LSS: variants seen among roughly 807,000 people sequenced by gnomAD.
The protein encoded by LSS is 2,3-epoxysqualene-lanosterol cyclase.
In LSS, 90 loss-of-function variants were observed where a neutral mutation model predicts 110.3. That is an observed-to-expected ratio of 0.82 (90% confidence interval 0.69 to 0.97). The LOEUF (loss-of-function observed/expected upper bound fraction) is 0.97. LSS is among the 50% of genes least tolerant of loss of function. The pLI, the probability that LSS is intolerant of heterozygous loss-of-function variation, is 0.00. For missense variants in LSS, 927 were observed against 990.0 expected, an observed-to-expected ratio of 0.94 and a Z score of 0.85; for synonymous variants, 433 against 400.0, an observed-to-expected ratio of 1.08 and a Z score of -0.98.
chr21:46,213,776 G>A lies in LSS; in HGVS notation c.1071C>T (p.Ala357=), dbSNP rs1411154516. The A allele has an allele frequency of 1.2e-6, 2 of 1,614,098 alleles. No homozygotes were observed. The highest frequency in any genetic ancestry group is 3.3e-5 in the Admixed American group (2 of 60,016). Residue 357 remains alanine (A), a synonymous_variant, in exon 10 of 22, where the codon GCC becomes GCT. Transcript: ENST00000397728. The stretch of plus-strand genomic sequence containing the variant: ...GGATTCTGGAGACATGCTCCTGGAA[G>A]GCAGTGGAGGCGGGCCCGTCCACAT... The part of the protein sequence containing the change: ...RWYVDGPAST[A]FQEHVSRIPD...
chr21:46,214,668 T>A (rs2080176781), intron 9 of LSS, among the ~76,000 whole-genome samples: 1 of 152,108 alleles, frequency 6.6e-6, no homozygotes, highest in Non-Finnish European at 1.5e-5. Flanking sequence ...AATTGCACCC[T>A]CTAAGGTCAC....
intron 20 of LSS, chr21:46,193,825 G>A (rs920672840): frequency 4.2e-5 from 16 of 383,650 alleles, no homozygotes; most frequent in Non-Finnish European, 6.9e-5. Context: ...CTGTACGTGT[G>A]TGTACACAGG....
chr21:46,191,154 C>A lies in LSS; in HGVS notation c.2149G>T (p.Gly717Cys), dbSNP rs772449983. 6 of 1,613,944 alleles carry A rather than the reference C, an allele frequency of 3.7e-6. No individual in the cohort carries two copies. Among genetic ancestry groups the A allele is most frequent in the Non-Finnish European group, 5.1e-6 (6 of 1,179,850 alleles). ...YRNIFPIWAL[G>C]RFSQLYPERA... ...TCAGGGTACAGCTGGGAGAAGCGGCCGAGGGCCCAGATGGGGAAGATGTTC... is the reference window on the plus strand; with the variant it reads ...TCAGGGTACAGCTGGGAGAAGCGGCAGAGGGCCCAGATGGGGAAGATGTTC... Residue 717 changes from glycine (G) to cysteine (C), a missense_variant, in exon 22 of 22, where the codon GGC becomes TGC. Coordinates refer to ENST00000397728, the MANE Select transcript of LSS (RefSeq NM_002340.6).
intron 17 of LSS, among the ~76,000 whole-genome samples, chr21:46,202,704 A>T (rs1359428110): frequency 2.6e-5 from 4 of 151,900 alleles, no homozygotes; most frequent in Admixed American, 6.6e-5. Flanking sequence ...AGCAACATTT[A>T]AAAAATACAA....
At chr21:46,207,634 A>C (rs1175447799) in intron 14 of LSS, 57 bp from the exon 15 acceptor site, 7 of 1,561,874 alleles carry the variant, frequency 4.5e-6, no homozygotes, top group Admixed American at 3.7e-5. Flanking sequence ...AGTTCTCAGA[A>C]CCTCCCCACA....
At chr21:46,212,829 C>G (rs931781848) in intron 11 of LSS, among the ~76,000 whole-genome samples, 196 bp downstream of exon 11, 1 of 152,210 alleles carries the variant, frequency 6.6e-6, no homozygotes, top group Admixed American at 6.5e-5. Context: ...AGACAGACAT[C>G]GAGAACGGTG....
intron 11 of LSS, among the ~76,000 whole-genome samples, chr21:46,212,012 C>T (rs2080140198): frequency 6.7e-6 from 1 of 150,178 alleles, no homozygotes; most frequent in Non-Finnish European, 1.5e-5. Context: ...CCCTCATCAG[C>T]TTGAGGTGCA....
chr21:46,210,025 T>TACTGGCTC lies in LSS; in HGVS notation c.1195-408_1195-401dup, dbSNP rs1256155483. Reference sequence around the variant, plus strand: ...AAAATCCACTCTCGTTTTTCTCCAGTACTGGCTCGAGAATGCCCATAACAA... The same window carrying TACTGGCTC: ...AAAATCCACTCTCGTTTTTCTCCAGTACTGGCTCACTGGCTCGAGAATGCCCATAACAA... On this transcript the variant is annotated intron_variant, in intron 12 of 21. Transcript: ENST00000397728. 3.3e-5 allele frequency among the ~76,000 whole-genome samples: 5 copies of TACTGGCTC among 151,084 alleles called. No homozygotes were observed. In the East Asian group the frequency reaches 9.7e-4, roughly 29 times the overall value.
intron 5 of LSS, among the ~76,000 whole-genome samples, chr21:46,221,498 A>C (rs2080278864): frequency 6.6e-6 from 1 of 152,114 alleles, no homozygotes; most frequent in Non-Finnish European, 1.5e-5. Context: ...CTGAGACTAC[A>C]GGTGCATATC....
rs1192933534 is a variant in LSS, at chr21:46,206,717, G to A, written c.1519C>T (p.Arg507Cys). Reference sequence around the variant, plus strand: ...AGCAGCTCCAGCAAGTGCCCCCCACGCTTGGTCTCATAGGTGGCGAACCCT... The same window carrying A: ...AGCAGCTCCAGCAAGTGCCCCCCACACTTGGTCTCATAGGTGGCGAACCCT... ...DGGFATYETK[R>C]GGHLLELLNP... The change falls in exon 16 of 22, where the codon CGT (arginine) becomes TGT (cysteine). Residue 507 changes from arginine (R) to cysteine (C), a missense_variant. By Grantham distance (180) the Arg-to-Cys change is radical. Coordinates refer to ENST00000397728, the MANE Select transcript of LSS (RefSeq NM_002340.6). 3.7e-6 allele frequency: 6 copies of A among 1,612,990 alleles called. No homozygotes were observed. Among genetic ancestry groups the A allele is most frequent in the Non-Finnish European group, 5.1e-6 (6 of 1,179,978 alleles).
chr21:46,212,033 G>A (rs1028045249), intron 11 of LSS, among the ~76,000 whole-genome samples: 17 of 146,472 alleles, frequency 1.2e-4, no homozygotes, highest in African/African-American at 1.8e-4. Context: ...CTGATGAGTC[G>A]GTGCTGAGGG....
Position 46,191,711 on chromosome 21 carries a change from C to T in LSS, c.2067+170G>A, listed in dbSNP as rs542839998. 3.3e-5 allele frequency among the ~76,000 whole-genome samples: 5 copies of T among 152,328 alleles called. No individual in the cohort carries two copies. The South Asian group carries it at 8.3e-4, about 25-fold the overall frequency. On this transcript the variant is annotated intron_variant, in intron 21 of 21. Transcript: ENST00000397728. ...ACAGCAAGATCTGGACTTTAGGACC[C>T]GACCACCTGCCACAGACCTGCCACC...
intron 9 of LSS, 102 bp downstream of exon 9, chr21:46,215,049 GCCACCTCCCAAATGGAGGTACACCAGGCT>G: frequency 1.3e-6 from 1 of 744,638 alleles, no homozygotes; most frequent in Non-Finnish European, 2.3e-6. Context: ...CGATCAGAGG[GCCACCTCCCAAATGGAGGTACACCAGGCT>G]CCAGGAAACC....
At position 46,219,927 on chromosome 21, in the gene LSS, T is replaced by C. The variant is rs1314719211; in HGVS notation, c.551-355A>G. ...GGTGAGCGAGGGGCCCAGGTGCACA[T>C]GCGCCTGGAGAAGGCAAGGTGGGGA... On this transcript the variant is annotated intron_variant, in intron 5 of 21. Coordinates refer to ENST00000397728, the MANE Select transcript of LSS (RefSeq NM_002340.6). Among the ~76,000 whole-genome samples, 4 of 152,270 alleles carry C rather than the reference T, an allele frequency of 2.6e-5. No homozygotes were observed. In the South Asian group the frequency reaches 6.2e-4, roughly 24 times the overall value.
At chr21:46,217,821 C>T (rs2080226225) in intron 6 of LSS, among the ~76,000 whole-genome samples, 1 of 152,210 alleles carries the variant, frequency 6.6e-6, no homozygotes, top group Non-Finnish European at 1.5e-5. Flanking sequence ...CCGCTCATTA[C>T]ACACGGGCGA....
intron 2 of LSS, 53 bp downstream of exon 2, chr21:46,228,381 C>G (rs763258947): frequency 3.8e-6 from 6 of 1,583,118 alleles, no homozygotes; most frequent in Non-Finnish European, 5.1e-6. Flanking sequence ...GTGCTCCTCA[C>G]GGCTCACCCC....
chr21:46,211,715 C>T (rs1325713640), intron 11 of LSS, among the ~76,000 whole-genome samples: 3 of 152,142 alleles, frequency 2.0e-5, no homozygotes, highest in South Asian at 2.1e-4. Flanking sequence ...ACAATGGGAT[C>T]GAGCCTCAGG....
chr21:46,203,555 T>G (rs1266775510), intron 17 of LSS, among the ~76,000 whole-genome samples: 1 of 152,248 alleles, frequency 6.6e-6, no homozygotes. Flanking sequence ...TTTACTTTTA[T>G]TACAGTGATT....
intron 3 of LSS, among the ~76,000 whole-genome samples, chr21:46,223,490 T>C (rs1459883504): frequency 3.9e-5 from 6 of 152,106 alleles, no homozygotes; most frequent in Non-Finnish European, 8.8e-5. Flanking sequence ...GTTCAAACCA[T>C]CCAGACATGC....
Sources: gnomAD v4.1 joint callset for allele counts (sites outside exome capture counted in the v4.1 genomes callset) on GRCh38, gnomAD v4.1.1 for gene constraint, MANE v1.5 for transcripts, NCBI Gene and HGNC (gene_info 2026-07-23, HGNC 2026-07-21) for gene names.